Variants in XRCC5 observed in about 807,000 individuals in gnomAD.
The protein encoded by XRCC5 is X-ray repair cross complementing 5.
A neutral mutation model predicts 95.7 loss-of-function variants in XRCC5; 12 were observed. The observed-to-expected ratio is 0.13, with a 90% CI of 0.08 to 0.20. The LOEUF (loss-of-function observed/expected upper bound fraction) is 0.20. Among genes scored for constraint, XRCC5 ranks in the 10% least tolerant of loss-of-function variants. The pLI, the probability that XRCC5 is intolerant of heterozygous loss-of-function variation, is 1.00. For missense variants in XRCC5, 595 were observed against 873.9 expected (o/e 0.68, Z 4.02); for synonymous variants, 281 against 290.3 (o/e 0.97, Z 0.33).
At chr2:216,197,484 T>G (rs1367819805) in intron 19 of XRCC5, among the ~76,000 whole-genome samples, 20 of 147,900 alleles carry the variant, frequency 1.4e-4, no homozygotes, top group Non-Finnish European at 3.0e-5. Flanking sequence ...CTCTCAAAAC[T>G]TCACCATCTT....
chr2:216,165,069 A>G (rs1410756573), intron 16 of XRCC5, among the ~76,000 whole-genome samples: 1 of 152,222 alleles, frequency 6.6e-6, no homozygotes, highest in Non-Finnish European at 1.5e-5. Flanking sequence ...TTACTGATGG[A>G]TAAACTGTAA....
chr2:216,197,923 GT>G (rs1055523526), intron 19 of XRCC5, among the ~76,000 whole-genome samples: 5 of 152,130 alleles, frequency 3.3e-5, no homozygotes, highest in Admixed American at 1.3e-4. Flanking sequence ...TATGGTGTTT[GT>G]CTACAACACT....
intron 19 of XRCC5, among the ~76,000 whole-genome samples, chr2:216,196,419 A>C (rs2106051141): frequency 6.6e-6 from 1 of 152,252 alleles, no homozygotes; most frequent in East Asian, 1.9e-4. Flanking sequence ...CACTTTATAC[A>C]ATGTTTGATA....
At chr2:216,189,774 A>G (rs1201911667) in intron 16 of XRCC5, among the ~76,000 whole-genome samples, 4 of 152,114 alleles carry the variant, frequency 2.6e-5, no homozygotes, top group African/African-American at 9.7e-5. Flanking sequence ...ATTATTTTTC[A>G]CTGCCCAGCA....
rs761811665 is a variant in XRCC5, at chr2:216,148,164, G to T, written c.1558G>T (p.Ala520Ser). The change falls in exon 14 of 21, where the codon GCT (alanine) becomes TCT (serine). Residue 520 changes from alanine to serine, a missense_variant. Transcript: ENST00000392132. ...QHIWNMLNPP[A>S]EVTTKSQIPL... ...TATTTGGAATATGCTGAATCCTCCCGCTGAGGTGACAACAAAAAGTCAGAT... is the reference window on the plus strand; with the variant it reads ...TATTTGGAATATGCTGAATCCTCCCTCTGAGGTGACAACAAAAAGTCAGAT... The T allele has an allele frequency of 5.0e-6, 8 of 1,613,900 alleles. No homozygotes were observed. The East Asian group carries it at 1.6e-4, about 31-fold the overall frequency.
intron 16 of XRCC5, among the ~76,000 whole-genome samples, chr2:216,185,729 G>A (rs1166915863): frequency 1.3e-5 from 2 of 149,406 alleles, no homozygotes; most frequent in Non-Finnish European, 3.0e-5. Flanking sequence ...AGGTTGGAGT[G>A]CAGTGGCATG....
At chr2:216,200,162 A>G (rs535803764) in intron 19 of XRCC5, among the ~76,000 whole-genome samples, 14 of 152,108 alleles carry the variant, frequency 9.2e-5, no homozygotes, top group African/African-American at 3.4e-4. Flanking sequence ...TCACCACACC[A>G]TGGCACCAGC....
intron 16 of XRCC5, among the ~76,000 whole-genome samples, chr2:216,172,469 C>CTTTT (rs746493174): frequency 0.022 from 2,346 of 107,642 alleles, 249 homozygotes; most frequent in African/African-American, 0.087. Context: ...CTTTTCTTTT[C>CTTTT]TTTTTTTTTT....
At chr2:216,156,696 G>T (rs1688849563) in intron 14 of XRCC5, 1 of 541,142 alleles carries the variant, frequency 1.8e-6, no homozygotes, top group South Asian at 1.4e-5. Flanking sequence ...CACCTTCCAT[G>T]ATTTGTACTA....
chr2:216,130,315 A>G (rs190903988), intron 8 of XRCC5, among the ~76,000 whole-genome samples: 38 of 151,660 alleles, frequency 2.5e-4, no homozygotes, highest in Non-Finnish European at 4.3e-4. Flanking sequence ...AAATACAGTT[A>G]AATCCCAGAA....
intron 14 of XRCC5, among the ~76,000 whole-genome samples, chr2:216,155,109 C>A (rs1688817416): frequency 6.6e-6 from 1 of 150,874 alleles, no homozygotes; most frequent in South Asian, 2.1e-4. Context: ...ACCTGTAGTC[C>A]CAGCTACTCT....
intron 16 of XRCC5, among the ~76,000 whole-genome samples, chr2:216,184,249 A>T (rs1177878905): frequency 6.6e-6 from 1 of 152,212 alleles, no homozygotes; most frequent in Non-Finnish European, 1.5e-5. Context: ...ACTGAAGGAA[A>T]GGAAATGTAT....
chr2:216,169,037 A>G (rs207925), intron 16 of XRCC5, among the ~76,000 whole-genome samples: 38,859 of 152,198 alleles, frequency 0.26, 6,105 homozygotes, highest in Non-Finnish European at 0.36. Context: ...TGTTGATAGG[A>G]CTTTTGATGA....
At chr2:216,143,151 G>A (rs1697198072) in intron 13 of XRCC5, among the ~76,000 whole-genome samples, 1 of 152,234 alleles carries the variant, frequency 6.6e-6, no homozygotes, top group Non-Finnish European at 1.5e-5. Flanking sequence ...AGCATTGTAA[G>A]TGTCCTACTG....
rs765757424 is a variant in XRCC5, at chr2:216,124,270, A to G, written c.684-1647A>G. ...GTTGTTCTTAGATTTTTTTTGAGAC[A>G]GGGTCTAGCTCTGTCATCCAGGCTG... On this transcript the variant is annotated intron_variant, in intron 6 of 20. Transcript: ENST00000392132. Among the ~76,000 whole-genome samples the G allele has an allele frequency of 3.3e-5, 5 of 152,254 alleles. No homozygotes were observed. In the South Asian group the frequency reaches 6.2e-4, roughly 19 times the overall value.
intron 17 of XRCC5, 74 bp from the exon 18 acceptor site, chr2:216,192,559 AACTTTG>A (rs1689634247): frequency 2.1e-6 from 2 of 936,064 alleles, no homozygotes; most frequent in South Asian, 4.1e-5. Flanking sequence ...ATTCAGACCA[AACTTTG>A]TTTGGTCTGG....
intron 15 of XRCC5, 149 bp from the exon 16 acceptor site, chr2:216,161,830 G>C (rs1291735124): frequency 3.0e-6 from 2 of 671,962 alleles, no homozygotes; most frequent in Non-Finnish European, 5.1e-6. Flanking sequence ...CAGAGCCCTA[G>C]AAATGAAAAT....
intron 6 of XRCC5, among the ~76,000 whole-genome samples, chr2:216,124,239 G>A (rs1414025044): frequency 6.6e-6 from 1 of 152,102 alleles, no homozygotes; most frequent in African/African-American, 2.4e-5. Context: ...CTGCAGAACT[G>A]AGTCAGTTGT....
At chr2:216,146,930 T>A (rs1688647721) in intron 13 of XRCC5, among the ~76,000 whole-genome samples, 1 of 152,190 alleles carries the variant, frequency 6.6e-6, no homozygotes, top group Non-Finnish European at 1.5e-5. Flanking sequence ...TTTTGGTGCT[T>A]AGAATTCATT....
Sources: gnomAD v4.1 joint callset for allele counts (sites outside exome capture counted in the v4.1 genomes callset) on GRCh38, gnomAD v4.1.1 for gene constraint, MANE v1.5 for transcripts, NCBI Gene and HGNC (gene_info 2026-07-23, HGNC 2026-07-21) for gene names.